The following AHCYL2 variants were observed in gnomAD, a reference collection of about 807,000 sequenced individuals.
The protein encoded by AHCYL2 is adenosylhomocysteinase like 2, also known as S-adenosylhomocysteine hydrolase-like protein 2.
In AHCYL2, 28 loss-of-function variants were observed where a neutral mutation model predicts 81.4. The ratio of observed to expected loss-of-function variants is 0.34; its 90% CI spans 0.25 to 0.47. The LOEUF is 0.47. Among genes scored for constraint, AHCYL2 ranks in the 20% least tolerant of loss-of-function variants. The pLI is 1.00. For synonymous variants in AHCYL2, 272 were observed against 290.2 expected (o/e 0.94, Z 0.64); for missense variants, 551 against 785.1 (o/e 0.70, Z 3.56).
chr7:129,248,155 A>C (rs1795125265), intron 1 of AHCYL2, among the ~76,000 whole-genome samples: 1 of 152,130 alleles, frequency 6.6e-6, no homozygotes, highest in Non-Finnish European at 1.5e-5. Flanking sequence ...CTGTCTGCAG[A>C]TGTGGAGGTA....
At chr7:129,247,732 GC>G (rs1795110649) in intron 1 of AHCYL2, among the ~76,000 whole-genome samples, 4 of 152,052 alleles carry the variant, frequency 2.6e-5, no homozygotes, top group African/African-American at 7.2e-5. Context: ...CTCCTGAGTA[GC>G]TGGGAGTACA....
chr7:129,298,671 C>T (rs909066567), intron 1 of AHCYL2, among the ~76,000 whole-genome samples: 1 of 152,158 alleles, frequency 6.6e-6, no homozygotes, highest in African/African-American at 2.4e-5. Flanking sequence ...CTTACAAGAA[C>T]CAAACCAAAG....
intron 1 of AHCYL2, among the ~76,000 whole-genome samples, chr7:129,276,783 C>A (rs1020399515): frequency 4.4e-5 from 6 of 137,472 alleles, no homozygotes; most frequent in Admixed American, 3.6e-4. Flanking sequence ...AAAGAATTAA[C>A]AGCAACAAAA....
intron 1 of AHCYL2, chr7:129,375,538 G>T: frequency 1.0e-6 from 1 of 998,392 alleles, no homozygotes; most frequent in Admixed American, 4.4e-5. Flanking sequence ...GCGCATGCAA[G>T]TTGGGCCTTG....
intron 7 of AHCYL2, among the ~76,000 whole-genome samples, chr7:129,404,784 G>C (rs1796220637): frequency 6.6e-6 from 1 of 152,174 alleles, no homozygotes; most frequent in South Asian, 2.1e-4. Context: ...ATTGTACCTA[G>C]TAGGTAATTT....
intron 6 of AHCYL2, among the ~76,000 whole-genome samples, chr7:129,402,213 G>C (rs962045241): frequency 2.0e-5 from 3 of 152,180 alleles, no homozygotes; most frequent in African/African-American, 7.2e-5. Context: ...TGGGGCATCT[G>C]TTCTGGGGGT....
At position 129,321,868 on chromosome 7, in the gene AHCYL2, C is replaced by T. The variant is rs145239553; in HGVS notation, c.364-57770C>T. Among the ~76,000 whole-genome samples the T allele has an allele frequency of 1.3e-3, 197 of 151,090 alleles. 1 individual carries two copies. Among genetic ancestry groups the T allele is most frequent in the African/African-American group, 4.7e-3 (193 of 41,170 alleles). On this transcript the variant is annotated intron_variant, in intron 1 of 16. Transcript: ENST00000325006. ...TCGGCTCACCTTAACCTCCACCTCC[C>T]AGGTTCAAGCGATCCTCCTGCCTCA... is the stretch of plus-strand genomic sequence containing the variant.
chr7:129,302,009 A>T (rs931396997), intron 1 of AHCYL2, among the ~76,000 whole-genome samples: 4 of 152,084 alleles, frequency 2.6e-5, no homozygotes, highest in Non-Finnish European at 5.9e-5. Context: ...CAATCCGTGG[A>T]CATGGAATGT....
chr7:129,283,154 C>G (rs1796508592), intron 1 of AHCYL2, among the ~76,000 whole-genome samples: 1 of 152,158 alleles, frequency 6.6e-6, no homozygotes, highest in South Asian at 2.1e-4. Flanking sequence ...TTCCAGTACT[C>G]CATCCTGCAC....
At chr7:129,390,762 G>A (rs1179648368) in intron 4 of AHCYL2, among the ~76,000 whole-genome samples, 4 of 152,286 alleles carry the variant, frequency 2.6e-5, no homozygotes, top group East Asian at 3.9e-4. Flanking sequence ...ATACTCCATC[G>A]TGTCTCATTG....
At position 129,428,886 on chromosome 7, in the gene AHCYL2, A is replaced by G. The variant is rs1230511475; in HGVS notation, c.*1841A>G. On this transcript the variant is annotated 3_prime_UTR_variant, in exon 17 of 17. Transcript: ENST00000325006. ...GTAAGGAAGATCATAAATGCTAAAAATTCCACTAAGCCATTCAGTTCTTCC... is the reference window on the plus strand; with the variant it reads ...GTAAGGAAGATCATAAATGCTAAAAGTTCCACTAAGCCATTCAGTTCTTCC... The G allele has an allele frequency of 6.6e-6, 1 of 152,222 alleles. No individual in the cohort carries two copies. Among genetic ancestry groups the G allele is most frequent in the African/African-American group, 2.4e-5 (1 of 41,448 alleles). 9.4% of individuals were successfully genotyped at this position (152,222 alleles called of 1,614,324 possible).
chr7:129,225,184 C>T lies in AHCYL2; in HGVS notation c.108C>T (p.Ala36=), dbSNP rs1404501991. ...AGTCGCAACTAGGACTGAGCACGGCCGCCGTGGGCGCCATGGCCCCCCCGG... is the reference window on the plus strand; with the variant it reads ...AGTCGCAACTAGGACTGAGCACGGCTGCCGTGGGCGCCATGGCCCCCCCGG... The part of the protein sequence containing the change: ...EAESQLGLST[A]AVGAMAPPAG... Residue 36 remains alanine (A), a synonymous_variant, in exon 1 of 17, where the codon GCC becomes GCT. Coordinates refer to ENST00000325006, the MANE Select transcript of AHCYL2 (RefSeq NM_015328.4). 1 of 1,571,784 alleles carries T rather than the reference C, an allele frequency of 6.4e-7. No individual in the cohort carries two copies. The highest frequency in any genetic ancestry group is 8.6e-7 in the Non-Finnish European group (1 of 1,164,020).
chr7:129,324,415 A>G (rs1215978113), intron 1 of AHCYL2, among the ~76,000 whole-genome samples: 5 of 151,184 alleles, frequency 3.3e-5, no homozygotes, highest in African/African-American at 1.2e-4. Flanking sequence ...TTTGTTTTCT[A>G]TTTTTCCCAC....
In AHCYL2 at chr7:129,277,701, G is replaced by C. The variant is rs141814693; in HGVS notation, c.363+52262G>C. On this transcript the variant is annotated intron_variant, in intron 1 of 16. Transcript: ENST00000325006. ...AAGTAGTATGTACTCTTTGGGGAGA[G>C]GGGAGTGGGGTAATTCTGGCTTCTT... Among the ~76,000 whole-genome samples the C allele has an allele frequency of 5.0e-3, 769 of 152,288 alleles. 10 individuals carry two copies. The highest frequency in any genetic ancestry group is 0.018 in the African/African-American group (735 of 41,568).
chr7:129,321,438 A>C (rs1798008775), intron 1 of AHCYL2, among the ~76,000 whole-genome samples: 2 of 152,054 alleles, frequency 1.3e-5, no homozygotes, highest in Non-Finnish European at 2.9e-5. Flanking sequence ...TTTCTTTTTT[A>C]GTTTGTTGAT....
At chr7:129,250,746 G>A (rs1795220377) in intron 1 of AHCYL2, among the ~76,000 whole-genome samples, 1 of 152,224 alleles carries the variant, frequency 6.6e-6, no homozygotes, top group Non-Finnish European at 1.5e-5. Context: ...AAATTGGCAT[G>A]TGTTAGTGAA....
chr7:129,327,803 A>T (rs563812171), intron 1 of AHCYL2, among the ~76,000 whole-genome samples: 88 of 148,878 alleles, frequency 5.9e-4, no homozygotes, highest in African/African-American at 9.9e-4. Context: ...TATTATTATT[A>T]TTTTTTTTCA....
chr7:129,368,452 C>G lies in AHCYL2; in HGVS notation c.364-11186C>G. 6.2e-7 allele frequency: 1 copy of G among 1,613,876 alleles called. No homozygotes were observed. Among genetic ancestry groups the G allele is most frequent in the Non-Finnish European group, 8.5e-7 (1 of 1,179,816 alleles). On this transcript the variant is annotated intron_variant, in intron 1 of 16. Transcript: ENST00000325006. This position sits in a 1 kb window ranked among gnomAD's most constrained non-coding sequence, Gnocchi z 4.4. ...GATAACCCCAGTATTTCCAAACCAG[C>G]TTTCCCTTTTGCTTCAGGACATATC...
chr7:129,287,184 C>T (rs1240828507), intron 1 of AHCYL2, among the ~76,000 whole-genome samples: 2 of 152,254 alleles, frequency 1.3e-5, no homozygotes, highest in East Asian at 3.9e-4. Flanking sequence ...CTCCACTGTA[C>T]ACTTATAAAA....
Sources: gnomAD v4.1 joint callset for allele counts (sites outside exome capture counted in the v4.1 genomes callset) on GRCh38, gnomAD v4.1.1 for gene constraint, Gnocchi (gnomAD v3.1) non-coding constraint, MANE v1.5 for transcripts, NCBI Gene and HGNC (gene_info 2026-07-23, HGNC 2026-07-21) for gene names.